The following CHN2 variants were observed in gnomAD, a reference collection of about 807,000 sequenced individuals.
CHN2 encodes the protein beta-chimaerin.
CHN2 carries 35 observed loss-of-function variants against 56.3 expected under a neutral mutation model. The ratio of observed to expected loss-of-function variants is 0.62; its 90% CI spans 0.47 to 0.82. The LOEUF is 0.82. Among genes scored for constraint, CHN2 ranks in the 40% least tolerant of loss-of-function variants. The pLI is 0.00. For missense variants in CHN2, 491 were observed against 580.5 expected, an observed-to-expected ratio of 0.85 and a Z score of 1.58; for synonymous variants, 210 against 212.8, an observed-to-expected ratio of 0.99 and a Z score of 0.12.
chr7:29,346,875 C>T (rs2128918869), intron 1 of CHN2, among the ~76,000 whole-genome samples: 1 of 152,296 alleles, frequency 6.6e-6, no homozygotes, highest in Non-Finnish European at 1.5e-5. Flanking sequence ...AATTCCTTTA[C>T]ACTTGCTCCT....
intron 1 of CHN2, among the ~76,000 whole-genome samples, chr7:29,292,436 T>C (rs1298486440): frequency 2.0e-5 from 3 of 152,240 alleles, no homozygotes; most frequent in Admixed American, 1.3e-4. Flanking sequence ...CAATCTATTC[T>C]TTGATCTTGG....
intron 1 of CHN2, among the ~76,000 whole-genome samples, chr7:29,338,431 C>T (rs1440437080): frequency 6.6e-6 from 1 of 152,118 alleles, no homozygotes; most frequent in African/African-American, 2.4e-5. Flanking sequence ...CTTTTCAGAT[C>T]CGGACAATGC....
At chr7:29,160,982 C>T (rs905658133) in intron 2 of CHN2, among the ~76,000 whole-genome samples, 2 of 152,168 alleles carry the variant, frequency 1.3e-5, no homozygotes, top group Non-Finnish European at 2.9e-5. Flanking sequence ...AGTCTTTCCT[C>T]TGATTGAGTT....
At position 29,291,222 on chromosome 7, in the gene CHN2, T is replaced by A. The variant is rs150661930; in HGVS notation, c.50-63403T>A. On this transcript the variant is annotated intron_variant, in intron 1 of 12. Coordinates refer to ENST00000222792, the MANE Select transcript of CHN2 (RefSeq NM_004067.4). ...GCATGCTTGGGCCCACTCACCCAAC[T>A]TCTAAGATCTTACTGAGAAGCAGCT... 3.4e-3 allele frequency among the ~76,000 whole-genome samples: 513 copies of A among 152,300 alleles called. 11 individuals carry two copies. Among genetic ancestry groups the A allele is most frequent in the East Asian group, 2.1e-3 (11 of 5,170 alleles).
At chr7:29,316,234 A>G (rs1699391993) in intron 1 of CHN2, among the ~76,000 whole-genome samples, 1 of 152,230 alleles carries the variant, frequency 6.6e-6, no homozygotes, top group African/African-American at 2.4e-5. Flanking sequence ...AACACATTTT[A>G]TTTGAGCTTC....
At position 29,283,389 on chromosome 7, in the gene CHN2, C is replaced by T. The variant is rs1323102203; in HGVS notation, c.50-71236C>T. ...GATGGTCTGCCCCCAAGTTTCCCCT[C>T]GGTTGGTATACACGATCTGTAGAAT... On this transcript the variant is annotated intron_variant, in intron 1 of 12. Coordinates refer to ENST00000222792, the MANE Select transcript of CHN2 (RefSeq NM_004067.4). Among the ~76,000 whole-genome samples the T allele has an allele frequency of 7.9e-5, 12 of 152,250 alleles. No individual in the cohort carries two copies. The East Asian group carries it at 1.4e-3, about 17-fold the overall frequency.
At chr7:29,279,918 G>T (rs1791546366) in intron 1 of CHN2, among the ~76,000 whole-genome samples, 1 of 152,136 alleles carries the variant, frequency 6.6e-6, no homozygotes, top group Non-Finnish European at 1.5e-5. Flanking sequence ...TAGGGTGGTG[G>T]GTAAGAAAAG....
chr7:29,479,413 CTTATTCTGCAACTTT>C (rs1304865104), intron 6 of CHN2, among the ~76,000 whole-genome samples: 5 of 152,198 alleles, frequency 3.3e-5, no homozygotes, highest in Admixed American at 3.3e-4. Flanking sequence ...CATCCTGCCT[CTTATTCTGCAACTTT>C]GCAGAACTCA....
At chr7:29,470,069 C>G (rs568816842) in intron 6 of CHN2, among the ~76,000 whole-genome samples, 2 of 152,288 alleles carry the variant, frequency 1.3e-5, no homozygotes, top group South Asian at 4.2e-4. Flanking sequence ...AACTGTGTTC[C>G]CCTGGAATAT....
chr7:29,170,770 C>G (rs1796495983), intron 2 of CHN2, among the ~76,000 whole-genome samples: 1 of 152,196 alleles, frequency 6.6e-6, no homozygotes, highest in African/African-American at 2.4e-5. Context: ...ACTTATAGTT[C>G]CATATGGCTG....
rs1238952941 is a variant in CHN2 at position 29,504,731 on chromosome 7, C to G, written c.914-13C>G. ...AAGAAGCTAAAGTCAGTCTCTCTCT[C>G]TCTCTCTAACAGGATTAAAATCGGA... On this transcript the variant is annotated splice_polypyrimidine_tract_variant and intron_variant, in intron 9 of 12. Coordinates refer to ENST00000222792, the MANE Select transcript of CHN2 (RefSeq NM_004067.4). The G allele has an allele frequency of 5.8e-6, 9 of 1,554,966 alleles. No individual in the cohort carries two copies. The highest frequency in any genetic ancestry group is 4.5e-5 in the South Asian group (4 of 88,126).
rs185406719 is a variant in CHN2, at chr7:29,424,630, C to T, written c.576+23802C>T. ...ACAGACATGTTTTGACTGGTTCGTACATTGTTTTTAAAAATATTTTTAATT... is the reference window on the plus strand; with the variant it reads ...ACAGACATGTTTTGACTGGTTCGTATATTGTTTTTAAAAATATTTTTAATT... On this transcript the variant is annotated intron_variant, in intron 6 of 12. Transcript: ENST00000222792. Among the ~76,000 whole-genome samples the T allele has an allele frequency of 9.2e-3, 1,400 of 152,310 alleles. 11 individuals are homozygous for T. The highest frequency in any genetic ancestry group is 0.014 in the Non-Finnish European group (980 of 68,028).
chr7:29,432,564 A>G (rs543973355), intron 6 of CHN2, among the ~76,000 whole-genome samples: 3 of 152,316 alleles, frequency 2.0e-5, no homozygotes, highest in Admixed American at 6.5e-5. Flanking sequence ...CTACTAAGCC[A>G]TAAGTACAAT....
At chr7:29,472,398 A>G (rs1211330717) in intron 6 of CHN2, among the ~76,000 whole-genome samples, 1 of 152,160 alleles carries the variant, frequency 6.6e-6, no homozygotes, top group Non-Finnish European at 1.5e-5. Flanking sequence ...CAGAGCGTGA[A>G]AACAAAGGAA....
intron 1 of CHN2, among the ~76,000 whole-genome samples, chr7:29,269,045 T>C (rs1299568393): frequency 6.6e-6 from 1 of 152,232 alleles, no homozygotes; most frequent in Non-Finnish European, 1.5e-5. Context: ...TAAACATTTC[T>C]CATTACTTTG....
At chr7:29,494,357 G>A (rs187492249) in intron 7 of CHN2, among the ~76,000 whole-genome samples, 112 of 151,416 alleles carry the variant, frequency 7.4e-4, no homozygotes, top group African/African-American at 2.4e-3. Context: ...AATTGACTTT[G>A]CTGCCATAAT....
rs992760731 is a variant in CHN2, at chr7:29,174,898, A to C, written c.274+27938A>C. Among the ~76,000 whole-genome samples, 8 of 152,202 alleles carry C rather than the reference A, an allele frequency of 5.3e-5. No homozygotes were observed. In the South Asian group the frequency reaches 1.7e-3, roughly 32 times the overall value. On this transcript the variant is annotated intron_variant, in intron 2 of 6. Transcript: ENST00000439384. ...AAAAGAATTTTTAGAGAGATACAGG[A>C]ACAAGAAGCTAGAAGAGAGAGAGAC...
intron 2 of CHN2, among the ~76,000 whole-genome samples, chr7:29,365,631 C>A (rs113471944): frequency 6.6e-6 from 1 of 152,066 alleles, no homozygotes; most frequent in African/African-American, 2.4e-5. Flanking sequence ...GAATAGCATA[C>A]GCAAAGGCCC....
intron 3 of CHN2, chr7:29,380,644 C>T (rs1257393220): frequency 1.3e-5 from 2 of 152,182 alleles, no homozygotes; most frequent in Non-Finnish European, 2.9e-5. Flanking sequence ...CCACTTAACC[C>T]AAATACCATT....
Sources: allele counts gnomAD v4.1 joint callset (sites outside exome capture counted in the v4.1 genomes callset), GRCh38; gene constraint gnomAD v4.1.1; transcripts MANE v1.5; gene names NCBI Gene and HGNC (gene_info 2026-07-23, HGNC 2026-07-21).